The following ZNG1A variants were observed in gnomAD, a reference collection of about 807,000 sequenced individuals.
ZNG1A encodes the protein Zn regulated GTPase metalloprotein activator 1A.
At chr9:156,011 G>A in the ZNG1A span, among the ~76,000 whole-genome samples, 1 of 150,558 alleles carries the variant, frequency 6.6e-6, no homozygotes, top group Non-Finnish European at 1.5e-5. Context: ...ATGGTGGCGG[G>A]TGCCTGTAAT....
At chr9:154,749 C>T in the ZNG1A span, 2 of 1,598,042 alleles carry the variant, frequency 1.3e-6, no homozygotes, top group African/African-American at 2.7e-5. Flanking sequence ...TCTTCTGGAA[C>T]CAGGTCTGTT....
the ZNG1A span, among the ~76,000 whole-genome samples, chr9:124,186 A>G: frequency 6.0e-5 from 9 of 151,150 alleles, no homozygotes; most frequent in African/African-American, 1.7e-4. Flanking sequence ...CTAAAGAAAC[A>G]GAAGCTTAAC....
At chr9:147,536 T>C in the ZNG1A span, 30 of 133,856 alleles carry the variant, frequency 2.2e-4, no homozygotes, top group Middle Eastern at 3.4e-3. Flanking sequence ...TCCCATCTTA[T>C]TACTCCAAAG....
the ZNG1A span, among the ~76,000 whole-genome samples, chr9:140,248 G>C: frequency 6.6e-6 from 1 of 151,758 alleles, no homozygotes; most frequent in African/African-American, 2.4e-5. Context: ...AACCTCTGCA[G>C]ACTTAAGTGT....
the ZNG1A span, among the ~76,000 whole-genome samples, chr9:139,552 T>C: frequency 2.7e-3 from 415 of 152,166 alleles, 2 homozygotes; most frequent in African/African-American, 9.3e-3. Flanking sequence ...AAAAAGATAC[T>C]GATGCACAAG....
chr9:174,193 C>T, the ZNG1A span, among the ~76,000 whole-genome samples: 1 of 150,780 alleles, frequency 6.6e-6, no homozygotes, highest in Non-Finnish European at 1.5e-5. Flanking sequence ...ACATATTTTC[C>T]TAGCAATACT....
chr9:143,675 G>T, the ZNG1A span, among the ~76,000 whole-genome samples: 1 of 123,292 alleles, frequency 8.1e-6, no homozygotes, highest in Non-Finnish European at 1.6e-5. Context: ...ATTCAACATA[G>T]TGTTGGAAGT....
the ZNG1A span, chr9:172,591 T>C: frequency 6.3e-6 from 1 of 157,688 alleles, no homozygotes; most frequent in Non-Finnish European, 1.4e-5. Flanking sequence ...AGGTTTTAAT[T>C]TCCTTTTTTC....
chr9:178,009 A>T, the ZNG1A span, among the ~76,000 whole-genome samples: 1 of 132,712 alleles, frequency 7.5e-6, no homozygotes, highest in Non-Finnish European at 1.5e-5. Flanking sequence ...TATTTCCCGG[A>T]AACAGTATTT....
the ZNG1A span, chr9:167,216 A>G: frequency 6.6e-6 from 1 of 151,578 alleles, no homozygotes; most frequent in African/African-American, 2.4e-5. Flanking sequence ...AGTGTTCCCA[A>G]ACAAGTTATT....
chr9:138,833 G>A, the ZNG1A span, among the ~76,000 whole-genome samples: 1 of 149,942 alleles, frequency 6.7e-6, no homozygotes. Context: ...GAGCCCAGGA[G>A]GTTGAGGCTG....
At chr9:138,805 G>A in the ZNG1A span, among the ~76,000 whole-genome samples, 3 of 149,526 alleles carry the variant, frequency 2.0e-5, no homozygotes, top group Non-Finnish European at 4.4e-5. Context: ...TTGGGAGGCT[G>A]AGATGGGAGG....
the ZNG1A span, chr9:167,169 C>G: frequency 3.0e-4 from 46 of 151,456 alleles, no homozygotes; most frequent in African/African-American, 1.1e-3. Flanking sequence ...CTAGATGTCC[C>G]AAAATAATAA....
At chr9:121,440 T>A in the ZNG1A span, 1 of 1,588,264 alleles carries the variant, frequency 6.3e-7, no homozygotes, top group East Asian at 2.2e-5. Context: ...TATTATCCAA[T>A]CCTTTTGATA....
chr9:168,790 A>G, the ZNG1A span, among the ~76,000 whole-genome samples: 3 of 149,910 alleles, frequency 2.0e-5, no homozygotes, highest in Admixed American at 6.6e-5. Flanking sequence ...TTTTCTATAA[A>G]TAATAAAGCC....
At chr9:178,521 T>C in the ZNG1A span, among the ~76,000 whole-genome samples, 2,219 of 99,850 alleles carry the variant, frequency 0.022, 389 homozygotes, top group Middle Eastern at 0.069. Flanking sequence ...TAAGATAACT[T>C]GGTAAGAGGT....
At chr9:158,358 G>T in the ZNG1A span, among the ~76,000 whole-genome samples, 10 of 151,768 alleles carry the variant, frequency 6.6e-5, no homozygotes, top group African/African-American at 2.4e-4. Flanking sequence ...ATATATTTTT[G>T]GCAAGGCATC....
the ZNG1A span, among the ~76,000 whole-genome samples, chr9:138,323 G>A: frequency 6.8e-6 from 1 of 147,822 alleles, no homozygotes; most frequent in Non-Finnish European, 1.5e-5. Flanking sequence ...CTGAGAAGGA[G>A]GAATAACTGC....
the ZNG1A span, among the ~76,000 whole-genome samples, chr9:161,393 G>C: frequency 1.3e-5 from 2 of 151,070 alleles, no homozygotes; most frequent in East Asian, 3.9e-4. Context: ...GCTTGAACCT[G>C]GGAGGTGGAG....
Sources: gnomAD v4.1 joint callset for allele counts (sites outside exome capture counted in the v4.1 genomes callset) on GRCh38, gnomAD v4.1.1 for gene constraint, MANE v1.5 for transcripts, NCBI Gene and HGNC (gene_info 2026-07-23, HGNC 2026-07-21) for gene names.